The following MYO9A variants were observed in gnomAD, a reference collection of about 807,000 sequenced individuals.
MYO9A encodes the protein myosin IXA, also known as unconventional myosin-IXa.
A neutral mutation model predicts 293.3 loss-of-function variants in MYO9A; 103 were observed. The observed-to-expected ratio is 0.35, with a 90% confidence interval of 0.30 to 0.41. The LOEUF is 0.41. Ranked by LOEUF, MYO9A falls within the 10% of genes least tolerant of loss-of-function variation. The pLI, the probability that MYO9A is intolerant of heterozygous loss-of-function variation, is 1.00. For missense variants in MYO9A, 2,685 were observed against 3,033.0 expected (o/e 0.89, Z 2.69); for synonymous variants, 1,001 against 1,035.7 (o/e 0.97, Z 0.64).
At chr15:72,027,631 C>A in intron 4 of MYO9A, 100 bp downstream of exon 4, 1 of 912,742 alleles carries the variant, frequency 1.1e-6, no homozygotes, top group Admixed American at 2.5e-5. Context: ...CTATGCATGA[C>A]GTAAACTGAA....
At chr15:71,868,935 C>T (rs139210347) in intron 32 of MYO9A, among the ~76,000 whole-genome samples, 22 of 152,268 alleles carry the variant, frequency 1.4e-4, no homozygotes, top group African/African-American at 5.3e-4. Context: ...AATAGTTCTA[C>T]TCTCATTTAG....
At chr15:72,040,801 G>C (rs1003184639) in intron 2 of MYO9A, among the ~76,000 whole-genome samples, 1 of 151,978 alleles carries the variant, frequency 6.6e-6, no homozygotes. Flanking sequence ...CACAAAAAAA[G>C]AAATCAAAAG....
At chr15:71,937,814 T>C (rs1302454096) in intron 16 of MYO9A, among the ~76,000 whole-genome samples, 1 of 152,068 alleles carries the variant, frequency 6.6e-6, no homozygotes, top group African/African-American at 2.4e-5. Flanking sequence ...ATCAAGAAAA[T>C]TGGGTTCCCA....
At chr15:72,032,417 T>C (rs1465023434) in intron 3 of MYO9A, 77 bp downstream of exon 3, 1 of 913,990 alleles carries the variant, frequency 1.1e-6, no homozygotes, top group Non-Finnish European at 1.6e-6. Flanking sequence ...GAATGAACAA[T>C]ACATAGTTTA....
intron 32 of MYO9A, among the ~76,000 whole-genome samples, chr15:71,864,991 T>C (rs1393117515): frequency 3.9e-5 from 6 of 152,200 alleles, no homozygotes; most frequent in African/African-American, 1.4e-4. Flanking sequence ...ACAATACCAA[T>C]TGGTCTATTT....
chr15:72,046,717 G>A, intron 1 of MYO9A, 83 bp from the exon 2 acceptor site: 1 of 895,408 alleles, frequency 1.1e-6, no homozygotes, highest in Non-Finnish European at 1.6e-6. Flanking sequence ...TAACAAGCAT[G>A]TTGATTACAT....
At chr15:71,840,294 C>T (rs1298077124) in intron 39 of MYO9A, among the ~76,000 whole-genome samples, 1 of 152,148 alleles carries the variant, frequency 6.6e-6, no homozygotes, top group Non-Finnish European at 1.5e-5. Context: ...AGTCCTTTTT[C>T]CTTGCACCTG....
intron 22 of MYO9A, among the ~76,000 whole-genome samples, chr15:71,902,697 G>A (rs1402181141): frequency 2.6e-5 from 4 of 152,144 alleles, no homozygotes; most frequent in African/African-American, 4.8e-5. Flanking sequence ...CTGGCTTGGA[G>A]ATTACAGTAG....
chr15:72,003,597 G>A (rs1409664711), intron 8 of MYO9A, among the ~76,000 whole-genome samples: 2 of 151,654 alleles, frequency 1.3e-5, no homozygotes, highest in South Asian at 4.2e-4. Context: ...CCAGCTATTC[G>A]GGAAGCTGAG....
At chr15:71,838,053 T>C (rs1380049607) in intron 39 of MYO9A, among the ~76,000 whole-genome samples, 1 of 152,002 alleles carries the variant, frequency 6.6e-6, no homozygotes, top group Non-Finnish European at 1.5e-5. Context: ...TGTCACAGAG[T>C]GAAAAAGGCA....
At chr15:72,009,942 T>C (rs2077125776) in intron 7 of MYO9A, among the ~76,000 whole-genome samples, 1 of 152,112 alleles carries the variant, frequency 6.6e-6, no homozygotes, top group Non-Finnish European at 1.5e-5. Flanking sequence ...ATATAAACTA[T>C]ACAGAGGAAA....
intron 1 of MYO9A, among the ~76,000 whole-genome samples, chr15:72,087,209 G>A (rs1054060121): frequency 6.6e-6 from 1 of 152,216 alleles, no homozygotes; most frequent in Non-Finnish European, 1.5e-5. Context: ...GAGGCCAGCA[G>A]ACCAAAGCAT....
chr15:72,010,280 G>A (rs535160803), intron 7 of MYO9A, 70 bp downstream of exon 7: 10 of 1,287,016 alleles, frequency 7.8e-6, no homozygotes, highest in Admixed American at 3.6e-5. Context: ...AAAGGTCAAC[G>A]GCAGAAATCT....
At chr15:71,907,734 A>T (rs2057709248) in intron 19 of MYO9A, among the ~76,000 whole-genome samples, 1 of 151,602 alleles carries the variant, frequency 6.6e-6, no homozygotes, top group East Asian at 1.9e-4. Context: ...TGGCTGCATA[A>T]ATGTCTTCTT....
rs2054370673 is a variant in MYO9A at position 71,824,067 on chromosome 15, C to T, written c.*2513G>A. On this transcript the variant is annotated 3_prime_UTR_variant, in exon 42 of 42. Transcript: ENST00000356056. ...GCCTACTACCCTATGTAAACAACGG[C>T]TTTCCCTCAAAGGGAGGGCCCCACA... The T allele has an allele frequency of 6.6e-6, 1 of 152,222 alleles. No homozygotes were observed. Among genetic ancestry groups the T allele is most frequent in the African/African-American group, 2.4e-5 (1 of 41,458 alleles). 9.4% of individuals were successfully genotyped at this position (152,222 alleles called of 1,614,324 possible). A position where few individuals can be genotyped will look rare whatever the true frequency, so the allele number is the denominator to read the frequency against.
rs1322654449 is a variant in MYO9A at position 72,042,098 on chromosome 15, T to C, written c.840+3626A>G. On this transcript the variant is annotated intron_variant, in intron 2 of 41. Coordinates refer to ENST00000356056, the MANE Select transcript of MYO9A (RefSeq NM_006901.4). ...TCCCAATTCATCCTATGAGACTTGA[T>C]AATTCTATCAATGCAAAAGATTGAA... Among the ~76,000 whole-genome samples the C allele has an allele frequency of 3.5e-5, 5 of 141,046 alleles. 1 individual carries two copies. Among genetic ancestry groups the C allele is most frequent in the Non-Finnish European group, 7.5e-5 (5 of 66,422 alleles). The allele number at this position is 141,046 out of a possible 152,430, so 92.5% of individuals were successfully genotyped here.
intron 16 of MYO9A, among the ~76,000 whole-genome samples, chr15:71,935,787 A>G (rs2058624019): frequency 6.6e-6 from 1 of 152,112 alleles, no homozygotes; most frequent in South Asian, 2.1e-4. Context: ...AATGGATTAT[A>G]GTATCTTCCC....
chr15:71,867,628 T>G (rs539306820), intron 32 of MYO9A, among the ~76,000 whole-genome samples: 1 of 145,872 alleles, frequency 6.9e-6, no homozygotes, highest in Admixed American at 6.8e-5. Flanking sequence ...TACTTGAGTA[T>G]AAGAAAAGAT....
At chr15:72,063,432 A>G (rs979500365) in intron 1 of MYO9A, among the ~76,000 whole-genome samples, 1 of 152,238 alleles carries the variant, frequency 6.6e-6, no homozygotes, top group Admixed American at 6.5e-5. Context: ...TCTGCATAGC[A>G]AAGGCAACAA....
Sources: gnomAD v4.1 joint callset for allele counts (sites outside exome capture counted in the v4.1 genomes callset) on GRCh38, gnomAD v4.1.1 for gene constraint, MANE v1.5 for transcripts, NCBI Gene and HGNC (gene_info 2026-07-23, HGNC 2026-07-21) for gene names.